Variants in SLIT2 observed in about 807,000 individuals in gnomAD.
The protein encoded by SLIT2 is slit guidance ligand 2, also known as slit homolog 2 protein.
In SLIT2, 41 loss-of-function variants were observed where a neutral mutation model predicts 185.7. The observed-to-expected ratio is 0.22, with a 90% CI of 0.17 to 0.29. The LOEUF (loss-of-function observed/expected upper bound fraction) is 0.29. Ranked by LOEUF, SLIT2 falls within the 10% of genes least tolerant of loss-of-function variation. SLIT2 has a pLI of 1.00. For missense variants in SLIT2, 1,571 were observed against 1,909.0 expected, an observed-to-expected ratio of 0.82 and a Z score of 3.30; for synonymous variants, 693 against 680.2, an observed-to-expected ratio of 1.02 and a Z score of -0.29.
At chr4:20,536,575 A>AAAAAC (rs1481782724) in intron 18 of SLIT2, among the ~76,000 whole-genome samples, 4 of 144,238 alleles carry the variant, frequency 2.8e-5, no homozygotes, top group African/African-American at 5.5e-5. Context: ...AAAAAAAAAA[A>AAAAAC]AAAACAAAAA....
intron 36 of SLIT2, 56 bp downstream of exon 36, chr4:20,617,706 G>A (rs1729787232): frequency 2.4e-6 from 2 of 830,164 alleles, no homozygotes; most frequent in Admixed American, 2.5e-5. Context: ...GGGGTCCCAT[G>A]TCTTTGAAAA....
At chr4:20,376,970 A>G (rs1309804251) in intron 4 of SLIT2, among the ~76,000 whole-genome samples, 1 of 152,068 alleles carries the variant, frequency 6.6e-6, no homozygotes, top group East Asian at 1.9e-4. Flanking sequence ...ATATATACCT[A>G]TGTAACAGAC....
At chr4:20,562,559 G>GT (rs1724781081) in intron 26 of SLIT2, among the ~76,000 whole-genome samples, 1 of 151,708 alleles carries the variant, frequency 6.6e-6, no homozygotes, top group African/African-American at 2.4e-5. Flanking sequence ...CTGCTAAACT[G>GT]TAAGTTTTTT....
chr4:20,535,091 G>A (rs1020677506), intron 18 of SLIT2, among the ~76,000 whole-genome samples: 4 of 152,098 alleles, frequency 2.6e-5, no homozygotes, highest in African/African-American at 9.7e-5. Context: ...ACGAGGTCAG[G>A]AGTTCAAGAC....
At chr4:20,285,760 C>T (rs888543359) in intron 4 of SLIT2, among the ~76,000 whole-genome samples, 5 of 152,160 alleles carry the variant, frequency 3.3e-5, no homozygotes, top group African/African-American at 1.2e-4. Flanking sequence ...ATTGCCCAGG[C>T]AGGTCTCAAA....
At chr4:20,278,720 G>A (rs1361295617) in intron 4 of SLIT2, among the ~76,000 whole-genome samples, 4 of 149,374 alleles carry the variant, frequency 2.7e-5, no homozygotes, top group African/African-American at 9.8e-5. Flanking sequence ...AACAAAACCT[G>A]GTTATTTAAT....
chr4:20,362,679 A>T (rs1223617035), intron 4 of SLIT2, among the ~76,000 whole-genome samples: 1 of 151,788 alleles, frequency 6.6e-6, no homozygotes, highest in Non-Finnish European at 1.5e-5. Flanking sequence ...ATGTTTATTC[A>T]CTTAAAAAGT....
At position 20,617,606 on chromosome 4, in the gene SLIT2, A is replaced by G. The variant is rs1400982666; in HGVS notation, c.4304A>G (p.Tyr1435Cys). The change falls in exon 36 of 37, where the codon TAC (tyrosine) becomes TGC (cysteine). Residue 1435 changes from tyrosine (Y) to cysteine (C), a missense_variant. Physicochemically the swap from Tyr to Cys is radical, Grantham distance 194. This residue lies in a region of SLIT2 where 223 missense variants were observed against 245.2 expected (regional missense o/e 0.91). Transcript: ENST00000504154. Reference protein sequence around the residue: ...KCRLSGLGQPYCECSSGYTGD... With the variant: ...KCRLSGLGQPCCECSSGYTGD... The stretch of plus-strand genomic sequence containing the variant: ...AGGCTTTCAGGTCTGGGGCAGCCCT[A>G]CTGTGAATGCAGCAGTGGATACACG... 6.2e-7 allele frequency: 1 copy of G among 1,612,922 alleles called. No homozygotes were observed. Among genetic ancestry groups the G allele is most frequent in the South Asian group, 1.1e-5 (1 of 90,926 alleles).
intron 4 of SLIT2, among the ~76,000 whole-genome samples, chr4:20,444,938 A>G (rs1446507758): frequency 6.6e-6 from 1 of 152,198 alleles, no homozygotes; most frequent in Non-Finnish European, 1.5e-5. Context: ...TTCTGTCTAG[A>G]AACCCTAACC....
intron 4 of SLIT2, among the ~76,000 whole-genome samples, chr4:20,458,428 A>C (rs1234596061): frequency 6.6e-6 from 1 of 152,216 alleles, no homozygotes; most frequent in Non-Finnish European, 1.5e-5. Flanking sequence ...TGGGTTACCA[A>C]CATGGGGTTC....
chr4:20,408,882 A>T (rs1169640010), intron 4 of SLIT2, among the ~76,000 whole-genome samples: 1 of 152,178 alleles, frequency 6.6e-6, no homozygotes, highest in African/African-American at 2.4e-5. Flanking sequence ...CCTAGACAAT[A>T]TGTAAATGGA....
chr4:20,274,921 G>A (rs1444448893), intron 4 of SLIT2, among the ~76,000 whole-genome samples: 1 of 152,028 alleles, frequency 6.6e-6, no homozygotes. Flanking sequence ...TGGTATTTGT[G>A]GGCCTCAGCT....
intron 30 of SLIT2, among the ~76,000 whole-genome samples, chr4:20,593,417 T>A (rs1230534402): frequency 6.6e-6 from 1 of 152,088 alleles, no homozygotes; most frequent in Non-Finnish European, 1.5e-5. Flanking sequence ...ATATGTGGAA[T>A]TTTAAAAAGT....
At chr4:20,504,010 T>C (rs867785028) in intron 9 of SLIT2, among the ~76,000 whole-genome samples, 2 of 152,124 alleles carry the variant, frequency 1.3e-5, no homozygotes, top group Non-Finnish European at 2.9e-5. Context: ...ATAAAACAAA[T>C]AATGCTGTAG....
intron 30 of SLIT2, among the ~76,000 whole-genome samples, chr4:20,594,487 A>G (rs1033059957): frequency 6.6e-6 from 1 of 151,966 alleles, no homozygotes; most frequent in African/African-American, 2.4e-5. Flanking sequence ...CTAATAAATC[A>G]CAACAGGAGA....
chr4:20,277,762 AATATAT>A (rs775329689), intron 4 of SLIT2, among the ~76,000 whole-genome samples: 1 of 146,828 alleles, frequency 6.8e-6, no homozygotes, highest in African/African-American at 2.5e-5. Flanking sequence ...TATCCAAATT[AATATAT>A]ATATATATAC....
rs1336222745 is a variant in SLIT2, at chr4:20,488,921, C to T, written c.714C>T (p.Gly238=). ...TTGGTCTGTACACTCAGTGTATGGG[C>T]CCCTCCCACCTGAGAGGCCATAATG... ...PRVGLYTQCM[G]PSHLRGHNVA... is the part of the protein sequence containing the mutation. The change falls in exon 8 of 37, where the codon GGC becomes GGT. Residue 238 remains glycine (G), a synonymous_variant. Coordinates refer to ENST00000504154, the MANE Select transcript of SLIT2 (RefSeq NM_004787.4). 7 of 1,611,674 alleles carry T rather than the reference C, an allele frequency of 4.3e-6. No homozygotes were observed. The highest frequency in any genetic ancestry group is 5.9e-6 in the Non-Finnish European group (7 of 1,178,180).
chr4:20,461,282 G>A (rs567710107), intron 4 of SLIT2, among the ~76,000 whole-genome samples: 44 of 152,194 alleles, frequency 2.9e-4, no homozygotes, highest in African/African-American at 9.9e-4. Context: ...AAGGAATGAG[G>A]TGGAAATAGA....
In SLIT2 at chr4:20,324,263, T is replaced by TGTATTGGTGAGGTGCTGATGTG. The variant is rs1340940634; in HGVS notation, c.395+55403_395+55404insGGTATTGGTGAGGTGCTGATGT. Among the ~76,000 whole-genome samples, 92 of 151,282 alleles carry TGTATTGGTGAGGTGCTGATGTG rather than the reference T, an allele frequency of 6.1e-4. 1 individual carries two copies. Among genetic ancestry groups the TGTATTGGTGAGGTGCTGATGTG allele is most frequent in the African/African-American group, 2.1e-3 (86 of 41,136 alleles). ...TGACAACCCCAGTGCATTGAGACAA[T>TGTATTGGTGAGGTGCTGATGTG]GTATTGGTGAGGTGCTGATGTTGTA... is the stretch of plus-strand genomic sequence containing the variant. On this transcript the variant is annotated intron_variant, in intron 4 of 36. Transcript: ENST00000504154.
Sources: allele counts gnomAD v4.1 joint callset (sites outside exome capture counted in the v4.1 genomes callset), GRCh38; gene constraint gnomAD v4.1.1; regional missense constraint gnomAD v4.1.1; transcripts MANE v1.5; gene names NCBI Gene and HGNC (gene_info 2026-07-23, HGNC 2026-07-21).